Variants in CD53 observed in about 807,000 individuals in gnomAD.
CD53 encodes the protein CD53 molecule.
A neutral mutation model predicts 27.3 loss-of-function variants in CD53; 20 were observed. The observed-to-expected ratio is 0.73, with a 90% CI of 0.52 to 1.07. The LOEUF is 1.07. Ranked by LOEUF, CD53 falls within the 50% of genes least tolerant of loss-of-function variation. CD53 has a pLI of 0.00. For synonymous variants in CD53, 106 were observed against 105.3 expected, an observed-to-expected ratio of 1.01 and a Z score of -0.04; for missense variants, 216 against 264.0, an observed-to-expected ratio of 0.82 and a Z score of 1.26.
At position 110,899,291 on chromosome 1, in the gene CD53, C is replaced by T; in HGVS notation, c.*96C>T. On this transcript the variant is annotated 3_prime_UTR_variant, in exon 8 of 8. Transcript: ENST00000271324. ...CCTACATGATCACTGCAGGATGATC[C>T]TCCTCCCATCCTTTCCCTTTTTAGG... The T allele has an allele frequency of 1.2e-6, 1 of 849,168 alleles. No homozygotes were observed. Among genetic ancestry groups the T allele is most frequent in the Non-Finnish European group, 1.9e-6 (1 of 517,072 alleles). 52.6% of individuals were successfully genotyped at this position (849,168 alleles called of 1,614,324 possible).
intron 2 of CD53, 53 bp downstream of exon 2, chr1:110,891,524 C>G: frequency 7.3e-7 from 1 of 1,361,364 alleles, no homozygotes; most frequent in South Asian, 1.2e-5. Context: ...CAGCTAAGCT[C>G]TCCTCATTCC....
chr1:110,876,300 A>T (rs1363608708), intron 1 of CD53, among the ~76,000 whole-genome samples: 3 of 152,204 alleles, frequency 2.0e-5, no homozygotes, highest in Non-Finnish European at 2.9e-5. Flanking sequence ...ATTATACTAT[A>T]GTCCCTTTTC....
At chr1:110,883,912 C>T (rs891803448) in intron 1 of CD53, among the ~76,000 whole-genome samples, 1 of 151,764 alleles carries the variant, frequency 6.6e-6, no homozygotes, top group Non-Finnish European at 1.5e-5. Context: ...TCTTTGTTCT[C>T]TATTTTAAAA....
At chr1:110,886,846 A>AAGATAG (rs141935496) in intron 1 of CD53, among the ~76,000 whole-genome samples, 1 of 101,010 alleles carries the variant, frequency 9.9e-6, no homozygotes, top group African/African-American at 3.2e-5. Context: ...CTCTGTCTCC[A>AAGATAG]ATATATATAT....
intron 1 of CD53, among the ~76,000 whole-genome samples, chr1:110,889,369 A>AC (rs1162170062): frequency 6.6e-6 from 1 of 151,784 alleles, no homozygotes. Context: ...AGCCTGGCCA[A>AC]CATGGTGAAA....
intron 1 of CD53, among the ~76,000 whole-genome samples, chr1:110,875,004 C>T (rs1047407522): frequency 1.3e-5 from 2 of 152,172 alleles, no homozygotes; most frequent in African/African-American, 4.8e-5. Context: ...CAGCAATATA[C>T]AAATACAGTG....
chr1:110,887,523 A>G (rs1656676067), intron 1 of CD53, among the ~76,000 whole-genome samples: 1 of 152,128 alleles, frequency 6.6e-6, no homozygotes, highest in Admixed American at 6.5e-5. Context: ...TTGGGTGCTA[A>G]ATATTTGGCA....
chr1:110,883,561 G>A (rs1034191189), intron 1 of CD53, among the ~76,000 whole-genome samples: 4 of 151,880 alleles, frequency 2.6e-5, no homozygotes, highest in African/African-American at 9.7e-5. Flanking sequence ...TGGCCTCACA[G>A]GATAAGGTAG....
chr1:110,878,192 T>C (rs1219435563), intron 1 of CD53, among the ~76,000 whole-genome samples: 1 of 152,176 alleles, frequency 6.6e-6, no homozygotes, highest in African/African-American at 2.4e-5. Context: ...AGGAACTTAG[T>C]TATTTTGTGG....
In CD53 at chr1:110,891,390, A is replaced by G; in HGVS notation, c.-17-2A>G. The G allele has an allele frequency of 1.2e-6, 2 of 1,604,606 alleles. No individual in the cohort carries two copies. The highest frequency in any genetic ancestry group is 1.7e-6 in the Non-Finnish European group (2 of 1,171,340). The stretch of plus-strand genomic sequence containing the variant: ...CTTACTTTCTTCTTCCTTATTCCTT[A>G]GGGCAAGAATATCACGGCATGGGCA... On this transcript the variant is annotated splice_acceptor_variant, in intron 1 of 7. Transcript: ENST00000271324. LOFTEE classifies it low-confidence loss of function (5UTR_SPLICE).
At chr1:110,898,469 C>T (rs1461017052) in intron 7 of CD53, among the ~76,000 whole-genome samples, 2 of 151,770 alleles carry the variant, frequency 1.3e-5, no homozygotes, top group African/African-American at 4.8e-5. Context: ...ACAAAAAAGC[C>T]ACCAAGCAGA....
At chr1:110,879,105 C>T (rs1656247678) in intron 1 of CD53, among the ~76,000 whole-genome samples, 1 of 151,990 alleles carries the variant, frequency 6.6e-6, no homozygotes, top group Non-Finnish European at 1.5e-5. Context: ...ATTATTCTTG[C>T]CCCGTGTATG....
At chr1:110,899,066 T>C in intron 7 of CD53, 58 bp from the exon 8 acceptor site, 1 of 1,300,300 alleles carries the variant, frequency 7.7e-7, no homozygotes, top group Non-Finnish European at 1.1e-6. Context: ...ATCCCAGGCA[T>C]TGTGAAAGAA....
upstream of CD53, among the ~76,000 whole-genome samples, chr1:110,872,152 AGC>A (rs1655987557): frequency 6.6e-6 from 1 of 152,224 alleles, no homozygotes; most frequent in Non-Finnish European, 1.5e-5. Flanking sequence ...TTTCATAGTT[AGC>A]TAGTGATACA....
chr1:110,879,680 G>C (rs952295173), intron 1 of CD53, among the ~76,000 whole-genome samples: 5 of 151,908 alleles, frequency 3.3e-5, no homozygotes, highest in Non-Finnish European at 7.4e-5. Context: ...TTGTAATATT[G>C]GATCAGATAA....
chr1:110,889,591 G>T (rs1305718004), intron 1 of CD53, among the ~76,000 whole-genome samples: 1 of 121,706 alleles, frequency 8.2e-6, no homozygotes, highest in Non-Finnish European at 1.8e-5. Context: ...AATAAATAAA[G>T]ACTAAATAAT....
At chr1:110,889,727 C>CA (rs1161273117) in intron 1 of CD53, among the ~76,000 whole-genome samples, 5 of 152,044 alleles carry the variant, frequency 3.3e-5, no homozygotes, top group Non-Finnish European at 5.9e-5. Context: ...GAAATTGTGA[C>CA]TGGAACTGTT....
At chr1:110,881,676 A>G (rs1324213244) in intron 1 of CD53, among the ~76,000 whole-genome samples, 1 of 152,220 alleles carries the variant, frequency 6.6e-6, no homozygotes, top group African/African-American at 2.4e-5. Context: ...TTTGTACAAA[A>G]CGAGCAAACT....
chr1:110,879,036 T>A (rs915958087), intron 1 of CD53, among the ~76,000 whole-genome samples: 4 of 152,232 alleles, frequency 2.6e-5, no homozygotes, highest in African/African-American at 9.6e-5. Context: ...TTTGTTTTTT[T>A]ATTTTTTTTA....
Sources: gnomAD v4.1 joint callset for allele counts (sites outside exome capture counted in the v4.1 genomes callset) on GRCh38, gnomAD v4.1.1 for gene constraint, MANE v1.5 for transcripts, NCBI Gene and HGNC (gene_info 2026-07-23, HGNC 2026-07-21) for gene names.